Variants in ABCD2 observed in about 807,000 individuals in gnomAD.
The protein encoded by ABCD2 is ATP binding cassette subfamily D member 2, also known as ATP-binding cassette sub-family D member 2.
Under a neutral mutation model 70.9 loss-of-function variants are expected in ABCD2, and 36 were observed. The ratio of observed to expected loss-of-function variants is 0.51; its 90% CI spans 0.39 to 0.67. The LOEUF (loss-of-function observed/expected upper bound fraction) is 0.67, where lower values mean the gene tolerates loss of function less well. ABCD2 is among the 30% of genes least tolerant of loss of function. The pLI is 0.00. For missense variants in ABCD2, 729 were observed against 890.2 expected (o/e 0.82, Z 2.30); for synonymous variants, 304 against 306.9 (o/e 0.99, Z 0.10).
intron 6 of ABCD2, among the ~76,000 whole-genome samples, chr12:39,588,032 G>A (rs559612730): frequency 3.3e-5 from 5 of 152,122 alleles, no homozygotes; most frequent in East Asian, 3.8e-4. Flanking sequence ...GATTGGTTAC[G>A]TAAGTAAATG....
the ABCD2 span, among the ~76,000 whole-genome samples, chr12:39,534,718 GGAAGGAAGGAAAA>G: frequency 7.4e-6 from 1 of 135,360 alleles, no homozygotes; most frequent in Non-Finnish European, 1.6e-5. Context: ...AAGGAAGGAA[GGAAGGAAGGAAAA>G]GAAGGAAGGA....
chr12:39,544,407 T>C, the ABCD2 span, among the ~76,000 whole-genome samples: 1 of 152,184 alleles, frequency 6.6e-6, no homozygotes, highest in Non-Finnish European at 1.5e-5. Flanking sequence ...TTGTGGCTAA[T>C]GTTCATCCTA....
At chr12:39,560,685 T>C (rs1358411661) in intron 9 of ABCD2, among the ~76,000 whole-genome samples, 3 of 152,154 alleles carry the variant, frequency 2.0e-5, no homozygotes, top group African/African-American at 7.2e-5. Context: ...ATTGTGATAT[T>C]AAAAATTCAA....
At chr12:39,548,576 C>T (rs1941049027), downstream of ABCD2, among the ~76,000 whole-genome samples, 1 of 151,864 alleles carries the variant, frequency 6.6e-6, no homozygotes, top group Non-Finnish European at 1.5e-5. Flanking sequence ...AAGCTGTCAC[C>T]TGATTATAAG....
At chr12:39,617,567 G>A (rs556236008) in intron 1 of ABCD2, among the ~76,000 whole-genome samples, 8 of 152,186 alleles carry the variant, frequency 5.3e-5, no homozygotes, top group African/African-American at 1.9e-4. Flanking sequence ...GTTGGATTTT[G>A]TCTTTTATGC....
At chr12:39,559,102 G>A (rs1281691393) in intron 9 of ABCD2, among the ~76,000 whole-genome samples, 1 of 152,132 alleles carries the variant, frequency 6.6e-6, no homozygotes, top group Non-Finnish European at 1.5e-5. Flanking sequence ...CCTGGACATG[G>A]TGGCTCATGC....
At chr12:39,535,608 C>G in the ABCD2 span, among the ~76,000 whole-genome samples, 1 of 152,092 alleles carries the variant, frequency 6.6e-6, no homozygotes, top group East Asian at 1.9e-4. Context: ...TTCGAAATAT[C>G]TTAGATAAAT....
At chr12:39,547,186 A>T (rs1941033270), downstream of ABCD2, among the ~76,000 whole-genome samples, 1 of 152,118 alleles carries the variant, frequency 6.6e-6, no homozygotes, top group Non-Finnish European at 1.5e-5. Context: ...AAAGTAGAAA[A>T]TAACAAGTGC....
downstream of ABCD2, among the ~76,000 whole-genome samples, chr12:39,548,481 T>TGTC (rs1276661147): frequency 6.6e-6 from 1 of 151,946 alleles, no homozygotes; most frequent in Non-Finnish European, 1.5e-5. Flanking sequence ...AAAGGGGACT[T>TGTC]TGACAATTGC....
At position 39,556,346 on chromosome 12, in the gene ABCD2, T is replaced by C. The variant is rs112372763; in HGVS notation, c.2004-2215A>G. 2.2e-3 allele frequency among the ~76,000 whole-genome samples: 341 copies of C among 152,292 alleles called. 4 individuals are homozygous for C. Among genetic ancestry groups the C allele is most frequent in the African/African-American group, 7.4e-3 (308 of 41,560 alleles). ...TGAATTGTAATCCCCATAAGCCCCA[T>C]GTGTCAAGGAAGAGACAAGGCGTAG... On this transcript the variant is annotated intron_variant, in intron 9 of 9. Coordinates refer to ENST00000308666, the MANE Select transcript of ABCD2 (RefSeq NM_005164.4).
rs1458696614 is a variant in ABCD2 at position 39,553,381 on chromosome 12, AC to A, written c.*530del. 1 of 152,100 alleles carries A rather than the reference AC, an allele frequency of 6.6e-6. No individual in the cohort carries two copies. The highest frequency in any genetic ancestry group is 1.5e-5 in the Non-Finnish European group (1 of 67,940). 9.4% of individuals were successfully genotyped at this position (152,100 alleles called of 1,614,324 possible). A position where few individuals can be genotyped will look rare whatever the true frequency, so the allele number is the denominator to read the frequency against. ...TTTTCTTTCAACAAATGCCATTAAAACAATTTTTATATTGAAATTATTTATA... is the reference window on the plus strand; with the variant it reads ...TTTTCTTTCAACAAATGCCATTAAAAAATTTTTATATTGAAATTATTTATA... On this transcript the variant is annotated 3_prime_UTR_variant, in exon 10 of 10. Transcript: ENST00000308666.
In ABCD2 at chr12:39,616,113, T is replaced by C. The variant is rs1052439032; in HGVS notation, c.1120+875A>G. 2.6e-5 allele frequency among the ~76,000 whole-genome samples: 4 copies of C among 152,236 alleles called. No homozygotes were observed. The East Asian group carries it at 7.7e-4, about 29-fold the overall frequency. ...CGTAGGAAGAGGGGGAACCAAAAGT[T>C]GAACAAAACTCTGTTTCACTACAAA... On this transcript the variant is annotated intron_variant, in intron 2 of 9. Coordinates refer to ENST00000308666, the MANE Select transcript of ABCD2 (RefSeq NM_005164.4).
intron 2 of ABCD2, among the ~76,000 whole-genome samples, chr12:39,609,356 C>T (rs1479034401): frequency 2.6e-5 from 4 of 152,180 alleles, no homozygotes; most frequent in Non-Finnish European, 5.9e-5. Flanking sequence ...AAATGAGGTA[C>T]ATAACTATCT....
intron 9 of ABCD2, among the ~76,000 whole-genome samples, chr12:39,560,716 A>T (rs1368510088): frequency 6.6e-6 from 1 of 152,150 alleles, no homozygotes; most frequent in East Asian, 1.9e-4. Context: ...TAAAGGGTAA[A>T]GATTGTGCCT....
downstream of ABCD2, among the ~76,000 whole-genome samples, chr12:39,548,956 A>T (rs11172541): frequency 0.2 from 30,483 of 151,916 alleles, 3,195 homozygotes; most frequent in East Asian, 0.39. Flanking sequence ...CCTTGTTTAT[A>T]ACACAACTAT....
At chr12:39,569,262 T>C (rs1234431905) in intron 9 of ABCD2, among the ~76,000 whole-genome samples, 3 of 152,214 alleles carry the variant, frequency 2.0e-5, no homozygotes. Flanking sequence ...CCTTGAGCTG[T>C]GGTGGGCTCC....
At chr12:39,597,921 T>C (rs1262570947) in intron 6 of ABCD2, among the ~76,000 whole-genome samples, 2 of 152,192 alleles carry the variant, frequency 1.3e-5, no homozygotes, top group Non-Finnish European at 2.9e-5. Flanking sequence ...GTTCTCATTA[T>C]TAACACTGCT....
chr12:39,558,890 C>T (rs1941209672), intron 9 of ABCD2, among the ~76,000 whole-genome samples: 1 of 151,560 alleles, frequency 6.6e-6, no homozygotes, highest in African/African-American at 2.4e-5. Flanking sequence ...GGGAAAAAAG[C>T]CAGAAATGCT....
chr12:39,600,523 C>A, intron 6 of ABCD2, 48 bp downstream of exon 6: 1 of 1,481,588 alleles, frequency 6.7e-7, no homozygotes, highest in South Asian at 1.4e-5. Flanking sequence ...CAAGACAATT[C>A]AAGAGCAAAA....
Sources: gnomAD v4.1 joint callset for allele counts (sites outside exome capture counted in the v4.1 genomes callset) on GRCh38, gnomAD v4.1.1 for gene constraint, MANE v1.5 for transcripts, NCBI Gene and HGNC (gene_info 2026-07-23, HGNC 2026-07-21) for gene names.